Variants in ZMYND8 observed in about 807,000 individuals in gnomAD.
ZMYND8 encodes MYND-type zinc finger-containing chromatin reader ZMYND8.
A neutral mutation model predicts 140.8 loss-of-function variants in ZMYND8; 37 were observed. The ratio of observed to expected loss-of-function variants is 0.26; its 90% confidence interval spans 0.20 to 0.35. The LOEUF (loss-of-function observed/expected upper bound fraction) is 0.35. Ranked by LOEUF, ZMYND8 falls within the 10% of genes least tolerant of loss-of-function variation. The pLI, the probability that ZMYND8 is intolerant of heterozygous loss-of-function variation, is 1.00. For missense variants in ZMYND8, 1,068 were observed against 1,570.0 expected (o/e 0.68, Z 5.40); for synonymous variants, 592 against 597.1 (o/e 0.99, Z 0.12).
chr20:47,318,297 C>T (rs2079579418), intron 2 of ZMYND8, among the ~76,000 whole-genome samples: 1 of 152,160 alleles, frequency 6.6e-6, no homozygotes, highest in Non-Finnish European at 1.5e-5. Context: ...CACCAGTCCT[C>T]CCCTTGGCCT....
At chr20:47,224,288 G>A in intron 19 of ZMYND8, 29 bp downstream of exon 19, 2 of 1,612,742 alleles carry the variant, frequency 1.2e-6, no homozygotes, top group East Asian at 2.2e-5. Flanking sequence ...CTGCAGCCCA[G>A]GACGGGAGGC....
intron 9 of ZMYND8, among the ~76,000 whole-genome samples, chr20:47,283,130 G>A (rs1414097650): frequency 6.6e-6 from 1 of 152,100 alleles, no homozygotes; most frequent in African/African-American, 2.4e-5. Context: ...AGATCCACAG[G>A]GAAACTAGGG....
intron 21 of ZMYND8, among the ~76,000 whole-genome samples, chr20:47,214,489 G>A (rs1225092776): frequency 6.6e-6 from 1 of 152,096 alleles, no homozygotes; most frequent in African/African-American, 2.4e-5. Flanking sequence ...AGTCCTAAAT[G>A]TCGGACTAAA....
intron 2 of ZMYND8, among the ~76,000 whole-genome samples, chr20:47,334,889 C>T (rs982351545): frequency 2.0e-5 from 3 of 151,540 alleles, no homozygotes; most frequent in African/African-American, 7.3e-5. Context: ...GGATTACAGG[C>T]GTCAGCCACC....
intron 4 of ZMYND8, among the ~76,000 whole-genome samples, chr20:47,296,471 G>A (rs561437223): frequency 6.6e-6 from 1 of 152,150 alleles, no homozygotes; most frequent in Non-Finnish European, 1.5e-5. Flanking sequence ...GAGAATTTTT[G>A]TCTATCCACA....
At chr20:47,213,144 A>G (rs1254890806) in intron 21 of ZMYND8, among the ~76,000 whole-genome samples, 4 of 152,172 alleles carry the variant, frequency 2.6e-5, no homozygotes, top group African/African-American at 9.6e-5. Flanking sequence ...TCAACTGCCC[A>G]CAGTGATAAC....
chr20:47,242,053 G>T (rs2040034795), intron 14 of ZMYND8, among the ~76,000 whole-genome samples: 1 of 152,020 alleles, frequency 6.6e-6, no homozygotes, highest in South Asian at 2.1e-4. Flanking sequence ...TCCTGACCTT[G>T]TGATCCACCC....
At chr20:47,342,127 G>A (rs1190032417) in intron 2 of ZMYND8, among the ~76,000 whole-genome samples, 1 of 152,082 alleles carries the variant, frequency 6.6e-6, no homozygotes, top group African/African-American at 2.4e-5. Context: ...AGCCGAGATT[G>A]TGCCACTGCA....
chr20:47,237,150 CTTT>C (rs888571132), intron 15 of ZMYND8, among the ~76,000 whole-genome samples: 1 of 140,664 alleles, frequency 7.1e-6, no homozygotes. Flanking sequence ...TGGCAGCGCT[CTTT>C]TTTTTTTTTT....
intron 17 of ZMYND8, among the ~76,000 whole-genome samples, chr20:47,228,176 A>G (rs1272081358): frequency 6.6e-6 from 1 of 152,142 alleles, no homozygotes; most frequent in East Asian, 1.9e-4. Flanking sequence ...GGCAATTTCG[A>G]GTACTCTCCC....
intron 1 of ZMYND8, 58 bp from the exon 2 acceptor site, chr20:47,347,984 G>C: frequency 3.9e-6 from 6 of 1,554,332 alleles, no homozygotes; most frequent in Non-Finnish European, 4.4e-6. Context: ...CCCCATGGGG[G>C]CAGCTATTTG....
intron 2 of ZMYND8, among the ~76,000 whole-genome samples, chr20:47,315,114 A>G (rs1035074679): frequency 3.9e-5 from 6 of 151,968 alleles, no homozygotes; most frequent in Non-Finnish European, 7.4e-5. Flanking sequence ...AGAAAGTGGG[A>G]AAAAAAATCA....
rs1456522386 is a variant in ZMYND8, at chr20:47,276,762, C to T, written c.1032G>A (p.Met344Ile). ...TCACAGAAAAAGGAATTTCTTTAGA[C>T]ATGAGGTAGCAATTATTTATTGGAA... ...AWVPINNCYL[M>I]SKEIPFSVKK... is the part of the protein sequence containing the mutation. Residue 344 changes from methionine (M) to isoleucine (I), a missense_variant, in exon 11 of 23, where the codon ATG (methionine) becomes ATA (isoleucine). By Grantham distance (10) the Met-to-Ile change is conservative (BLOSUM62 1). Transcript: ENST00000471951. 1 of 1,612,530 alleles carries T rather than the reference C, an allele frequency of 6.2e-7. No homozygotes were observed. The highest frequency in any genetic ancestry group is 8.5e-7 in the Non-Finnish European group (1 of 1,179,306).
In ZMYND8 at chr20:47,265,735, G is replaced by C. The variant is rs535977347; in HGVS notation, c.1481-3307C>G. Among the ~76,000 whole-genome samples the C allele has an allele frequency of 1.0e-3, 152 of 152,130 alleles. 3 individuals carry two copies. The South Asian group carries it at 0.031, about 31-fold the overall frequency. On this transcript the variant is annotated intron_variant, in intron 11 of 22. Coordinates refer to ENST00000471951, the MANE Select transcript of ZMYND8 (RefSeq NM_001281775.3). Reference sequence around the variant, plus strand: ...TGGGATTACAGGTGTGAGCCATCACGCCCAGCCTATTTTTATAATTCTGTA... The same window carrying C: ...TGGGATTACAGGTGTGAGCCATCACCCCCAGCCTATTTTTATAATTCTGTA...
chr20:47,350,647 TAAAAA>T (rs2082711406), intron 1 of ZMYND8, among the ~76,000 whole-genome samples: 1 of 152,158 alleles, frequency 6.6e-6, no homozygotes, highest in Non-Finnish European at 1.5e-5. Context: ...AAATAATTCT[TAAAAA>T]GAAAAGGCAG....
intron 16 of ZMYND8, among the ~76,000 whole-genome samples, chr20:47,231,318 G>C (rs147435211): frequency 1.3e-5 from 2 of 152,134 alleles, no homozygotes; most frequent in Non-Finnish European, 2.9e-5. Flanking sequence ...CTTTCTAGAT[G>C]CCCCAATTCA....
chr20:47,348,050 G>T, intron 1 of ZMYND8, 124 bp from the exon 2 acceptor site: 1 of 938,592 alleles, frequency 1.1e-6, no homozygotes. Flanking sequence ...ATCCAGGGCT[G>T]GGGGAGGAAA....
At chr20:47,265,963 G>A (rs900025363) in intron 11 of ZMYND8, among the ~76,000 whole-genome samples, 2 of 152,164 alleles carry the variant, frequency 1.3e-5, no homozygotes, top group Non-Finnish European at 1.5e-5. Flanking sequence ...GATGGGTCTG[G>A]TTCACACTCT....
At chr20:47,275,847 A>C (rs910839253) in intron 11 of ZMYND8, among the ~76,000 whole-genome samples, 3 of 152,116 alleles carry the variant, frequency 2.0e-5, no homozygotes, top group African/African-American at 7.2e-5. Flanking sequence ...AAGCTAAAGC[A>C]ATCTGACTGC....
Sources: allele counts gnomAD v4.1 joint callset (sites outside exome capture counted in the v4.1 genomes callset), GRCh38; gene constraint gnomAD v4.1.1; transcripts MANE v1.5; gene names NCBI Gene and HGNC (gene_info 2026-07-23, HGNC 2026-07-21).